The following HSPA1B variants were observed in gnomAD, a reference collection of about 807,000 sequenced individuals.
HSPA1B encodes heat shock 70 kDa protein 1B.
In HSPA1B, 7 loss-of-function variants were observed where a neutral mutation model predicts 9.0. That is an observed-to-expected ratio of 0.78 (90% CI 0.44 to 1.46). The LOEUF is 1.46. Ranked by LOEUF, HSPA1B falls within the 40% of genes most tolerant of loss-of-function variation. The pLI is 0.01. For missense variants in HSPA1B, 199 were observed against 424.5 expected (o/e 0.47, Z 4.67); for synonymous variants, 125 against 184.5 (o/e 0.68, Z 2.61).
rs1160789091 is a variant in HSPA1B at position 31,828,355 on chromosome 6, G to C, written c.405G>C (p.Leu135=). The C allele has an allele frequency of 4.5e-5, 20 of 444,644 alleles. No homozygotes were observed. Among genetic ancestry groups the C allele is most frequent in the Middle Eastern group, 5.1e-4 (1 of 1,952 alleles). 27.5% of individuals were successfully genotyped at this position (444,644 alleles called of 1,614,324 possible). Reference sequence around the variant, plus strand: ...TGAAGGAGATCGCCGAGGCGTACCTGGGCTACCCGGTGACCAACGCGGTGA... The same window carrying C: ...TGAAGGAGATCGCCGAGGCGTACCTCGGCTACCCGGTGACCAACGCGGTGA... ...TKMKEIAEAY[L]GYPVTNAVIT... is the part of the protein sequence containing the mutation. Residue 135 remains leucine (L), a synonymous_variant, in exon 1 of 1, where the codon CTG becomes CTC. Transcript: ENST00000375650.
At position 31,828,046 on chromosome 6, in the gene HSPA1B, C is replaced by G. The variant is rs776149449; in HGVS notation, c.96C>G (p.Asp32Glu). The change falls in exon 1 of 1, where the codon GAC (aspartate) becomes GAG (glutamate). Residue 32 changes from aspartate to glutamate, a missense_variant. Asp to Glu is a conservative substitution (Grantham distance 45). This residue lies in a region of HSPA1B where 51 missense variants were observed against 70.9 expected (regional missense o/e 0.72). Coordinates refer to ENST00000375650, the MANE Select transcript of HSPA1B (RefSeq NM_005346.6). ...GCAAGGTGGAGATCATCGCCAACGACCAGGGCAACCGCACCACCCCCAGCT... is the reference window on the plus strand; with the variant it reads ...GCAAGGTGGAGATCATCGCCAACGAGCAGGGCAACCGCACCACCCCCAGCT... ...QHGKVEIIAN[D>E]QGNRTTPSYV... is the part of the protein sequence containing the mutation. The G allele has an allele frequency of 7.5e-6, 12 of 1,609,180 alleles. No individual in the cohort carries two copies. Among genetic ancestry groups the G allele is most frequent in the Admixed American group, 1.7e-5 (1 of 59,492 alleles).
Position 31,827,797 on chromosome 6 carries a change from G to T in HSPA1B, c.-154G>T. On this transcript the variant is annotated 5_prime_UTR_variant, in exon 1 of 1. Transcript: ENST00000375650. ...GCTTCGTCTTTCGAGAGTGACTCCC[G>T]CGGTCCCAAGGCTTTCCAGAGCGAA... 6.7e-7 allele frequency: 1 copy of T among 1,497,416 alleles called. No individual in the cohort carries two copies. 92.8% of individuals were successfully genotyped at this position (1,497,416 alleles called of 1,614,324 possible).
In HSPA1B at chr6:31,827,784, G is replaced by T. The variant is rs11576013; in HGVS notation, c.-167G>T. 2.1e-6 allele frequency: 3 copies of T among 1,442,126 alleles called. No homozygotes were observed. Among genetic ancestry groups the T allele is most frequent in the African/African-American group, 2.8e-5 (2 of 71,026 alleles). 89.3% of individuals were successfully genotyped at this position (1,442,126 alleles called of 1,614,324 possible). A position where few individuals can be genotyped will look rare whatever the true frequency, so the allele number is the denominator to read the frequency against. On this transcript the variant is annotated 5_prime_UTR_variant, in exon 1 of 1. Transcript: ENST00000375650. ...GCTGCGAGGGTCCGCTTCGTCTTTCGAGAGTGACTCCCGCGGTCCCAAGGC... is the reference window on the plus strand; with the variant it reads ...GCTGCGAGGGTCCGCTTCGTCTTTCTAGAGTGACTCCCGCGGTCCCAAGGC...
In HSPA1B at chr6:31,829,900, T is replaced by C. The variant is rs185921924; in HGVS notation, c.*24T>C. Reference sequence around the variant, plus strand: ...AGGGGCCTTTGTTCTTTAGTATGTTTGTCTTTGAGGTGGACTGTTGGGACT... The same window carrying C: ...AGGGGCCTTTGTTCTTTAGTATGTTCGTCTTTGAGGTGGACTGTTGGGACT... On this transcript the variant is annotated 3_prime_UTR_variant, in exon 1 of 1. Coordinates refer to ENST00000375650, the MANE Select transcript of HSPA1B (RefSeq NM_005346.6). 7.6e-5 allele frequency: 123 copies of C among 1,608,802 alleles called. No homozygotes were observed. The East Asian group carries it at 2.7e-3, about 36-fold the overall frequency.
chr6:31,830,137 A>AGTTT lies in HSPA1B; in HGVS notation c.*270_*273dup, dbSNP rs1362279347. 158 of 188,848 alleles carry AGTTT rather than the reference A, an allele frequency of 8.4e-4. 2 individuals are homozygous for AGTTT. The highest frequency in any genetic ancestry group is 6.4e-4 in the African/African-American group (21 of 32,692). The allele number at this position is 188,848 out of a possible 1,614,324, so 11.7% of individuals were successfully genotyped here. A position where few individuals can be genotyped will look rare whatever the true frequency, so the allele number is the denominator to read the frequency against. On this transcript the variant is annotated 3_prime_UTR_variant, in exon 1 of 1. Coordinates refer to ENST00000375650, the MANE Select transcript of HSPA1B (RefSeq NM_005346.6). ...AATCAACACTGCCACCTTCTGTACG[A>AGTTT]GTTTGTTTGTTTTTTTTTTTTTTTT...
In HSPA1B at chr6:31,829,794, G is replaced by T. The variant is rs1302126298; in HGVS notation, c.1844G>T (p.Gly615Val). ...ATCAGCGGACTGTACCAGGGTGCCG[G>T]TGGTCCCGGGCCTGGCGGCTTCGGG... is the stretch of plus-strand genomic sequence containing the variant. ...PIISGLYQGAGGPGPGGFGAQ... is the reference protein window; with the variant it reads ...PIISGLYQGAVGPGPGGFGAQ... The change falls in exon 1 of 1, where the codon GGT becomes GTT. Residue 615 changes from glycine to valine, a missense_variant. By Grantham distance (109) the Gly-to-Val change is moderately radical (BLOSUM62 -3). Transcript: ENST00000375650. 1 of 1,611,398 alleles carries T rather than the reference G, an allele frequency of 6.2e-7. No individual in the cohort carries two copies. The highest frequency in any genetic ancestry group is 8.5e-7 in the Non-Finnish European group (1 of 1,179,196).
Position 31,827,871 on chromosome 6 carries a change from G to C in HSPA1B, c.-80G>C, listed in dbSNP as rs1346670480. The C allele has an allele frequency of 1.2e-6, 2 of 1,612,320 alleles. No individual in the cohort carries two copies. The highest frequency in any genetic ancestry group is 1.7e-6 in the Non-Finnish European group (2 of 1,179,526). On this transcript the variant is annotated 5_prime_UTR_variant, in exon 1 of 1. Transcript: ENST00000375650. ...GTGTTGAGTTTCCGGCGTTCCGAAG[G>C]ACTGAGCTCTTGTCGCGGATCCCGT...
Position 31,827,898 on chromosome 6 carries a change from CG to C in HSPA1B, c.-52del. 5 of 1,612,918 alleles carry C rather than the reference CG, an allele frequency of 3.1e-6. No individual in the cohort carries two copies. Among genetic ancestry groups the C allele is most frequent in the Non-Finnish European group, 4.2e-6 (5 of 1,179,682 alleles). ...CTGAGCTCTTGTCGCGGATCCCGTCCGCCGTTTCCAGCCCCCAGTCTCAGAG... is the reference window on the plus strand; with the variant it reads ...CTGAGCTCTTGTCGCGGATCCCGTCCCCGTTTCCAGCCCCCAGTCTCAGAG... On this transcript the variant is annotated 5_prime_UTR_variant, in exon 1 of 1. Coordinates refer to ENST00000375650, the MANE Select transcript of HSPA1B (RefSeq NM_005346.6).
chr6:31,828,319 G>A lies in HSPA1B; in HGVS notation c.369G>A (p.Val123=). Residue 123 remains valine (V), a synonymous_variant, in exon 1 of 1, where the codon GTG becomes GTA. Transcript: ENST00000375650. ...AFYPEEISSM[V]LTKMKEIAEA... ...ACCCCGAGGAGATCTCGTCCATGGT[G>A]CTGACCAAGATGAAGGAGATCGCCG... 1 of 508,328 alleles carries A rather than the reference G, an allele frequency of 2.0e-6. No homozygotes were observed. Among genetic ancestry groups the A allele is most frequent in the Non-Finnish European group, 3.2e-6 (1 of 315,170 alleles). The allele number at this position is 508,328 out of a possible 1,614,324, so 31.5% of individuals were successfully genotyped here. A position where few individuals can be genotyped will look rare whatever the true frequency, so the allele number is the denominator to read the frequency against.
Position 31,829,801 on chromosome 6 carries a change from C to A in HSPA1B, c.1851C>A (p.Pro617=). 6 of 1,609,104 alleles carry A rather than the reference C, an allele frequency of 3.7e-6. No homozygotes were observed. The highest frequency in any genetic ancestry group is 5.1e-6 in the Non-Finnish European group (6 of 1,178,872). ...GACTGTACCAGGGTGCCGGTGGTCCCGGGCCTGGCGGCTTCGGGGCTCAGG... is the reference window on the plus strand; with the variant it reads ...GACTGTACCAGGGTGCCGGTGGTCCAGGGCCTGGCGGCTTCGGGGCTCAGG... The part of the protein sequence containing the change: ...ISGLYQGAGG[P]GPGGFGAQGP... Residue 617 remains proline, a synonymous_variant, in exon 1 of 1, where the codon CCC becomes CCA. Transcript: ENST00000375650.
rs9279427 is a variant in HSPA1B, at chr6:31,830,146, GTTTTT to G, written c.*290_*294del. 671 of 83,724 alleles carry G rather than the reference GTTTTT, an allele frequency of 8.0e-3. No homozygotes were observed. The highest frequency in any genetic ancestry group is 0.025 in the Middle Eastern group (3 of 120). 5.2% of individuals were successfully genotyped at this position (83,724 alleles called of 1,614,324 possible). On this transcript the variant is annotated 3_prime_UTR_variant, in exon 1 of 1. Coordinates refer to ENST00000375650, the MANE Select transcript of HSPA1B (RefSeq NM_005346.6). Reference sequence around the variant, plus strand: ...TGCCACCTTCTGTACGAGTTTGTTTGTTTTTTTTTTTTTTTTTTTTTTTTGCTTGG... The same window carrying G: ...TGCCACCTTCTGTACGAGTTTGTTTGTTTTTTTTTTTTTTTTTTTGCTTGG...
At position 31,830,141 on chromosome 6, in the gene HSPA1B, TG is replaced by T. The variant is rs1239982341; in HGVS notation, c.*266del. ...AACACTGCCACCTTCTGTACGAGTT[TG>T]TTTGTTTTTTTTTTTTTTTTTTTTT... On this transcript the variant is annotated 3_prime_UTR_variant, in exon 1 of 1. Transcript: ENST00000375650. 3.1e-3 allele frequency: 742 copies of T among 236,136 alleles called. 12 individuals carry two copies. The highest frequency in any genetic ancestry group is 0.01 in the African/African-American group (336 of 33,212). The allele number at this position is 236,136 out of a possible 1,614,324, so 14.6% of individuals were successfully genotyped here. A position where few individuals can be genotyped will look rare whatever the true frequency, so the allele number is the denominator to read the frequency against.
Position 31,827,955 on chromosome 6 carries a change from C to T in HSPA1B, c.5C>T (p.Ala2Val), listed in dbSNP as rs199562339. The T allele has an allele frequency of 1.8e-5, 29 of 1,613,302 alleles. No homozygotes were observed. The highest frequency in any genetic ancestry group is 1.7e-4 in the Middle Eastern group (1 of 6,058). Residue 2 changes from alanine to valine, a missense_variant, in exon 1 of 1, where the codon GCC becomes GTC. Ala to Val is a moderately conservative substitution (Grantham distance 64). Coordinates refer to ENST00000375650, the MANE Select transcript of HSPA1B (RefSeq NM_005346.6). ...CCCACAGAGCAGGGCACCGGCATGGCCAAAGCCGCGGCGATCGGCATCGAC... is the reference window on the plus strand; with the variant it reads ...CCCACAGAGCAGGGCACCGGCATGGTCAAAGCCGCGGCGATCGGCATCGAC... M[A>V]KAAAIGIDLG...
Position 31,828,055 on chromosome 6 carries a change from C to G in HSPA1B, c.105C>G (p.Asn35Lys). The change falls in exon 1 of 1, where the codon AAC becomes AAG. Residue 35 changes from asparagine (N) to lysine (K), a missense_variant. Asn to Lys is a moderately conservative substitution (Grantham distance 94). Coordinates refer to ENST00000375650, the MANE Select transcript of HSPA1B (RefSeq NM_005346.6). ...KVEIIANDQGNRTTPSYVAFT... is the reference protein window; with the variant it reads ...KVEIIANDQGKRTTPSYVAFT... ...AGATCATCGCCAACGACCAGGGCAACCGCACCACCCCCAGCTACGTGGCCT... is the reference window on the plus strand; with the variant it reads ...AGATCATCGCCAACGACCAGGGCAAGCGCACCACCCCCAGCTACGTGGCCT... The G allele has an allele frequency of 6.2e-7, 1 of 1,607,830 alleles. No homozygotes were observed. The highest frequency in any genetic ancestry group is 8.5e-7 in the Non-Finnish European group (1 of 1,178,346).
In HSPA1B at chr6:31,830,082, A is replaced by G. The variant is rs1224919215; in HGVS notation, c.*206A>G. ...AGAATTCTTTGCATTTAATGTTGAT[A>G]CTGTAAGGGTGTTTCGTTCCCTTTA... On this transcript the variant is annotated 3_prime_UTR_variant, in exon 1 of 1. Coordinates refer to ENST00000375650, the MANE Select transcript of HSPA1B (RefSeq NM_005346.6). The G allele has an allele frequency of 1.6e-6, 1 of 608,520 alleles. No homozygotes were observed. Among genetic ancestry groups the G allele is most frequent in the Non-Finnish European group, 2.8e-6 (1 of 354,452 alleles). The allele number at this position is 608,520 out of a possible 1,614,324, so 37.7% of individuals were successfully genotyped here. A position where few individuals can be genotyped will look rare whatever the true frequency, so the allele number is the denominator to read the frequency against.
Position 31,827,837 on chromosome 6 carries a change from G to C in HSPA1B, c.-114G>C, listed in dbSNP as rs1816783627. The C allele has an allele frequency of 6.3e-7, 1 of 1,596,790 alleles. No individual in the cohort carries two copies. The highest frequency in any genetic ancestry group is 8.5e-7 in the Non-Finnish European group (1 of 1,170,994). ...TCCAGAGCGAACCTGTGCGGCTGCA[G>C]GCACCGGCGTGTTGAGTTTCCGGCG... On this transcript the variant is annotated 5_prime_UTR_variant, in exon 1 of 1. Transcript: ENST00000375650.
In HSPA1B at chr6:31,828,092, G is replaced by C. The variant is rs762089786; in HGVS notation, c.142G>C (p.Glu48Gln). ...CAGCTACGTGGCCTTCACGGACACCGAGCGGCTCATCGGGGATGCGGCCAA... is the reference window on the plus strand; with the variant it reads ...CAGCTACGTGGCCTTCACGGACACCCAGCGGCTCATCGGGGATGCGGCCAA... ...TPSYVAFTDT[E>Q]RLIGDAAKNQ... The change falls in exon 1 of 1, where the codon GAG (glutamate) becomes CAG (glutamine). Residue 48 changes from glutamate to glutamine, a missense_variant. This residue lies in a region of HSPA1B where 51 missense variants were observed against 70.9 expected (regional missense o/e 0.72). Coordinates refer to ENST00000375650, the MANE Select transcript of HSPA1B (RefSeq NM_005346.6). 6.3e-7 allele frequency: 1 copy of C among 1,597,056 alleles called. No homozygotes were observed. The highest frequency in any genetic ancestry group is 2.3e-5 in the East Asian group (1 of 44,368).
In HSPA1B at chr6:31,827,995, C is replaced by A; in HGVS notation, c.45C>A (p.Tyr15Ter). 6.2e-7 allele frequency: 1 copy of A among 1,612,670 alleles called. No homozygotes were observed. Among genetic ancestry groups the A allele is most frequent in the Non-Finnish European group, 8.5e-7 (1 of 1,179,570 alleles). ...AAIGIDLGTT[Y>*]SCVGVFQHGK... ...TCGGCATCGACCTGGGCACCACCTA[C>A]TCCTGCGTGGGGGTGTTCCAACACG... Residue 15 changes from tyrosine (Y) to a stop codon, truncating the protein, a stop_gained, in exon 1 of 1, where the codon TAC (tyrosine) becomes TAA (stop). Coordinates refer to ENST00000375650, the MANE Select transcript of HSPA1B (RefSeq NM_005346.6). LOFTEE classifies it high-confidence loss of function.
In HSPA1B at chr6:31,828,480, C is replaced by T; in HGVS notation, c.530C>T (p.Thr177Met). The T allele has an allele frequency of 7.6e-6, 2 of 262,052 alleles. No homozygotes were observed. Among genetic ancestry groups the T allele is most frequent in the Non-Finnish European group, 6.6e-6 (1 of 150,594 alleles). 16.2% of individuals were successfully genotyped at this position (262,052 alleles called of 1,614,324 possible). The change falls in exon 1 of 1, where the codon ACG becomes ATG. Residue 177 changes from threonine to methionine, a missense_variant. By Grantham distance (81) the Thr-to-Met change is moderately conservative (BLOSUM62 -1). Around this residue, in one of 5 missense-constraint regions of HSPA1B, gnomAD observed 14 missense variants for 147.2 expected, o/e 0.10. Coordinates refer to ENST00000375650, the MANE Select transcript of HSPA1B (RefSeq NM_005346.6). ...LNVLRIINEP[T>M]AAAIAYGLDR... ...GTGCTGCGGATCATCAACGAGCCCACGGCCGCCGCCATCGCCTACGGCCTG... is the reference window on the plus strand; with the variant it reads ...GTGCTGCGGATCATCAACGAGCCCATGGCCGCCGCCATCGCCTACGGCCTG...
Sources: gnomAD v4.1 joint callset for allele counts on GRCh38, gnomAD v4.1.1 for gene constraint, gnomAD v4.1.1 regional missense constraint, MANE v1.5 for transcripts, NCBI Gene and HGNC (gene_info 2026-07-23, HGNC 2026-07-21) for gene names.